The following RTN1 variants were observed in gnomAD, a reference collection of about 807,000 sequenced individuals.
RTN1 encodes the protein reticulon-1.
In RTN1, 25 loss-of-function variants were observed where a neutral mutation model predicts 65.5. That is an observed-to-expected ratio of 0.38 (90% CI 0.28 to 0.53). The LOEUF (loss-of-function observed/expected upper bound fraction) is 0.53, where lower values mean the gene tolerates loss of function less well. Ranked by LOEUF, RTN1 falls within the 20% of genes least tolerant of loss-of-function variation. The pLI is 0.79. For synonymous variants in RTN1, 471 were observed against 447.6 expected (o/e 1.05, Z -0.66); for missense variants, 983 against 1,025.4 (o/e 0.96, Z 0.57).
At chr14:59,611,449 C>A (rs910345501) in intron 3 of RTN1, among the ~76,000 whole-genome samples, 3 of 152,136 alleles carry the variant, frequency 2.0e-5, no homozygotes, top group Non-Finnish European at 4.4e-5. Flanking sequence ...GACTGTAGCC[C>A]CATGGTGGGG....
intron 3 of RTN1, among the ~76,000 whole-genome samples, chr14:59,723,442 T>TA (rs1190680372): frequency 1.1e-3 from 150 of 140,014 alleles, no homozygotes; most frequent in Middle Eastern, 3.7e-3. Flanking sequence ...CCATCTCCAC[T>TA]AAAAAAAAAA....
At position 59,766,105 on chromosome 14, in the gene RTN1, T is replaced by C. The variant is rs1252167506; in HGVS notation, c.242-19624A>G. 2.0e-5 allele frequency among the ~76,000 whole-genome samples: 3 copies of C among 152,024 alleles called. No individual in the cohort carries two copies. The highest frequency in any genetic ancestry group is 3.2e-3 in the Middle Eastern group (1 of 316). On this transcript the variant is annotated intron_variant, in intron 1 of 8. Transcript: ENST00000267484. This position sits in a 1 kb window ranked among gnomAD's most constrained non-coding sequence, Gnocchi z 4.4. Reference sequence around the variant, plus strand: ...ATTAGTCGGGCTTGGTGGTACACACTTGTAGTCCCAGCTACTTGGGAGGCT... The same window carrying C: ...ATTAGTCGGGCTTGGTGGTACACACCTGTAGTCCCAGCTACTTGGGAGGCT...
chr14:59,857,457 C>T (rs1332921071), intron 1 of RTN1, among the ~76,000 whole-genome samples: 1 of 152,176 alleles, frequency 6.6e-6, no homozygotes, highest in Non-Finnish European at 1.5e-5. Context: ...CCCCTCCCAC[C>T]CTCTATAGCA....
chr14:59,705,212 G>A (rs916617526), intron 3 of RTN1, among the ~76,000 whole-genome samples: 3 of 152,078 alleles, frequency 2.0e-5, no homozygotes, highest in Non-Finnish European at 4.4e-5. Context: ...AAGTCTATGC[G>A]TACTTAGGAG....
At chr14:59,751,253 T>A (rs1885516396) in intron 1 of RTN1, among the ~76,000 whole-genome samples, 1 of 121,548 alleles carries the variant, frequency 8.2e-6, no homozygotes, top group South Asian at 2.7e-4. Context: ...GACCAAAAAA[T>A]CTCAGTAACA....
intron 1 of RTN1, among the ~76,000 whole-genome samples, chr14:59,859,763 G>C (rs1887674716): frequency 6.6e-6 from 1 of 152,194 alleles, no homozygotes; most frequent in Admixed American, 6.5e-5. Flanking sequence ...ATGGAAATGA[G>C]GAACTTGCTG....
rs1352669764 is a variant in RTN1 at position 59,794,888 on chromosome 14, A to G, written c.242-48407T>C. 6.6e-6 allele frequency among the ~76,000 whole-genome samples: 1 copy of G among 152,214 alleles called. No individual in the cohort carries two copies. The highest frequency in any genetic ancestry group is 1.5e-5 in the Non-Finnish European group (1 of 68,042). Reference sequence around the variant, plus strand: ...TATCTAGGTATCCAAATGTCTAGCAAAAAAGTTTTTCCACTACAGGAGAAG... The same window carrying G: ...TATCTAGGTATCCAAATGTCTAGCAGAAAAGTTTTTCCACTACAGGAGAAG... On this transcript the variant is annotated intron_variant, in intron 1 of 8. Transcript: ENST00000267484. The surrounding 1 kb of genome is among the most constrained non-coding windows in gnomAD (Gnocchi z 5.1).
intron 3 of RTN1, among the ~76,000 whole-genome samples, chr14:59,672,791 C>T (rs1883538699): frequency 6.7e-6 from 1 of 150,200 alleles, no homozygotes. Flanking sequence ...CAGGCGCCCG[C>T]CACCGCGCCT....
rs1231143481 is a variant in RTN1 at position 59,774,149 on chromosome 14, T to TAAA, written c.242-27669_242-27668insTTT. ...TTCCACTTACATGAAAGAGATGCTT[T>TAAA]AAGTAGCAGAATTAAAACACAGTGC... On this transcript the variant is annotated intron_variant, in intron 1 of 8. Transcript: ENST00000267484. The surrounding 1 kb of genome is among the most constrained non-coding windows in gnomAD (Gnocchi z 5.1). 1.3e-3 allele frequency among the ~76,000 whole-genome samples: 197 copies of TAAA among 152,286 alleles called. No homozygotes were observed. Among genetic ancestry groups the TAAA allele is most frequent in the African/African-American group, 4.6e-3 (190 of 41,562 alleles).
At chr14:59,851,373 T>C (rs1365622430) in intron 1 of RTN1, among the ~76,000 whole-genome samples, 2 of 151,974 alleles carry the variant, frequency 1.3e-5, no homozygotes, top group Non-Finnish European at 2.9e-5. Context: ...CTCCTGGGAG[T>C]TATTATACCA....
At chr14:59,603,292 T>G in intron 6 of RTN1, 34 bp from the exon 7 acceptor site, 1 of 1,562,936 alleles carries the variant, frequency 6.4e-7, no homozygotes, top group Non-Finnish European at 8.8e-7. Context: ...ATTAAAATTC[T>G]GAGTTATCAA....
chr14:59,711,554 C>T (rs1884418879), intron 3 of RTN1, among the ~76,000 whole-genome samples: 1 of 152,122 alleles, frequency 6.6e-6, no homozygotes, highest in African/African-American at 2.4e-5. Context: ...AAAATAAAAT[C>T]CCACAACAGA....
At chr14:59,826,519 T>C (rs113383845) in intron 1 of RTN1, among the ~76,000 whole-genome samples, 35 of 152,310 alleles carry the variant, frequency 2.3e-4, no homozygotes, top group Admixed American at 5.9e-4. Flanking sequence ...CAGAAGCTCA[T>C]TGGAAGCCCC....
chr14:59,675,364 A>C (rs1199675360), intron 3 of RTN1, among the ~76,000 whole-genome samples: 1 of 151,190 alleles, frequency 6.6e-6, no homozygotes, highest in East Asian at 1.9e-4. Context: ...CAGAATGCTC[A>C]GTAGGAAGCT....
intron 3 of RTN1, among the ~76,000 whole-genome samples, chr14:59,702,281 T>C (rs1371435102): frequency 6.6e-6 from 1 of 152,224 alleles, no homozygotes; most frequent in Non-Finnish European, 1.5e-5. Flanking sequence ...GTACAATATG[T>C]CAAGGTTGCT....
chr14:59,749,338 C>CTATA (rs1180265066), intron 1 of RTN1, among the ~76,000 whole-genome samples: 2 of 26,180 alleles, frequency 7.6e-5, no homozygotes, highest in African/African-American at 6.6e-4. Flanking sequence ...CTATATATAT[C>CTATA]TATATATATC....
intron 2 of RTN1, among the ~76,000 whole-genome samples, chr14:59,741,293 C>G (rs1885111596): frequency 6.6e-6 from 1 of 152,186 alleles, no homozygotes; most frequent in African/African-American, 2.4e-5. Flanking sequence ...TGACTTGCTC[C>G]CTCACTCCAT....
At chr14:59,640,317 A>G (rs904656923) in intron 3 of RTN1, among the ~76,000 whole-genome samples, 1 of 151,470 alleles carries the variant, frequency 6.6e-6, no homozygotes, top group African/African-American at 2.4e-5. Context: ...TAATTAATTA[A>G]TTTATTTATT....
intron 3 of RTN1, among the ~76,000 whole-genome samples, chr14:59,643,136 T>C (rs1210876135): frequency 6.6e-6 from 1 of 152,176 alleles, no homozygotes; most frequent in Non-Finnish European, 1.5e-5. Context: ...AGGCCAAGGA[T>C]GGTGGATCAT....
Sources: allele counts gnomAD v4.1 joint callset (sites outside exome capture counted in the v4.1 genomes callset), GRCh38; gene constraint gnomAD v4.1.1; non-coding constraint Gnocchi (gnomAD v3.1); transcripts MANE v1.5; gene names NCBI Gene and HGNC (gene_info 2026-07-23, HGNC 2026-07-21).